Variants in SYNE2 observed in about 807,000 individuals in gnomAD.
The protein encoded by SYNE2 is nesprin-2.
In SYNE2, 431 loss-of-function variants were observed where a neutral mutation model predicts 856.3. The observed-to-expected ratio is 0.50, with a 90% confidence interval of 0.47 to 0.55. The LOEUF (loss-of-function observed/expected upper bound fraction) is 0.55, where lower values mean the gene tolerates loss of function less well. Ranked by LOEUF, SYNE2 falls within the 20% of genes least tolerant of loss-of-function variation. The pLI is 0.00. For synonymous variants in SYNE2, 2,923 were observed against 2,872.3 expected (o/e 1.02, Z -0.56); for missense variants, 8,129 against 8,023.2 (o/e 1.01, Z -0.50).
chr14:64,034,609 G>T, intron 45 of SYNE2: 2 of 515,382 alleles, frequency 3.9e-6, no homozygotes, highest in South Asian at 3.1e-5. Flanking sequence ...TTGTAGATCT[G>T]GACCTTTGGT....
intron 77 of SYNE2, among the ~76,000 whole-genome samples, chr14:64,132,667 T>A (rs1439734045): frequency 6.6e-6 from 1 of 152,212 alleles, no homozygotes; most frequent in East Asian, 1.9e-4. Context: ...CTCTGCCTTT[T>A]AGGTTCATGT....
intron 85 of SYNE2, among the ~76,000 whole-genome samples, chr14:64,153,628 A>T (rs1326975176): frequency 2.0e-5 from 3 of 152,252 alleles, no homozygotes; most frequent in Non-Finnish European, 2.9e-5. Context: ...TTTGTTAAGC[A>T]TACATTGTGT....
intron 2 of SYNE2, among the ~76,000 whole-genome samples, chr14:63,937,172 G>A (rs1244515688): frequency 1.3e-5 from 2 of 152,162 alleles, no homozygotes; most frequent in African/African-American, 4.8e-5. Context: ...GAATGGCAGG[G>A]ACCTAATCGG....
At chr14:63,776,367 A>G (rs1887104180) in intron 1 of SYNE2, among the ~76,000 whole-genome samples, 1 of 152,186 alleles carries the variant, frequency 6.6e-6, no homozygotes, top group African/African-American at 2.4e-5. Context: ...CACATTTCTC[A>G]GCACAAATCT....
At chr14:64,210,264 A>G (rs2098633310) in intron 103 of SYNE2, 140 bp downstream of exon 103, 2 of 1,112,138 alleles carry the variant, frequency 1.8e-6, no homozygotes, top group Non-Finnish European at 2.5e-6. Context: ...CCTCCAACAC[A>G]AAGAAGCCCA....
chr14:64,219,477 C>T (rs1596305812), intron 110 of SYNE2, 67 bp downstream of exon 110: 6 of 1,512,484 alleles, frequency 4.0e-6, no homozygotes, highest in East Asian at 2.3e-5. Context: ...CTATGCTGGA[C>T]GAGCAGATCC....
chr14:64,163,436 C>A lies in SYNE2; in HGVS notation c.16334C>A (p.Ala5445Asp), dbSNP rs769819836. The change falls in exon 89 of 116, where the codon GCC becomes GAC. Residue 5445 changes from alanine to aspartate, a missense_variant. By Grantham distance (126) the Ala-to-Asp change is moderately radical. Coordinates refer to ENST00000555002, the MANE Select transcript of SYNE2 (RefSeq NM_182914.3). ...LQHDVQKTKE[A>D]FLQNSSVLDR... is the part of the protein sequence containing the mutation. ...CATGATGTGCAGAAAACAAAAGAAG[C>A]CTTTCTCCAAAATTCCAGTGTCCTG... The A allele has an allele frequency of 3.1e-6, 5 of 1,613,998 alleles. No individual in the cohort carries two copies. The South Asian group carries it at 5.5e-5, about 18-fold the overall frequency.
Position 63,941,057 on chromosome 14 carries a change from C to T in SYNE2, c.141+382C>T, listed in dbSNP as rs530927269. ...CTCCTGACAAATAATTTCACGACAT[C>T]CCTATGAAATAGATAGTAATATACC... On this transcript the variant is annotated intron_variant, in intron 3 of 115. Coordinates refer to ENST00000555002, the MANE Select transcript of SYNE2 (RefSeq NM_182914.3). Among the ~76,000 whole-genome samples the T allele has an allele frequency of 3.9e-5, 6 of 152,306 alleles. No individual in the cohort carries two copies. The South Asian group carries it at 1.0e-3, about 26-fold the overall frequency.
chr14:63,947,377 T>C (rs182866533), intron 6 of SYNE2, among the ~76,000 whole-genome samples: 40 of 152,370 alleles, frequency 2.6e-4, no homozygotes, highest in African/African-American at 9.1e-4. Flanking sequence ...CACATGTGCC[T>C]AGTGGCTGTC....
intron 27 of SYNE2, among the ~76,000 whole-genome samples, chr14:63,999,810 A>G (rs926606124): frequency 2.0e-5 from 3 of 152,108 alleles, no homozygotes; most frequent in Non-Finnish European, 2.9e-5. Context: ...CTTTTATCTT[A>G]TTATACCAGG....
chr14:64,118,361 A>T (rs1428873002), intron 66 of SYNE2, among the ~76,000 whole-genome samples: 1 of 152,148 alleles, frequency 6.6e-6, no homozygotes, highest in Non-Finnish European at 1.5e-5. Flanking sequence ...CATCCAGCTG[A>T]TATATTTTTA....
chr14:63,944,885 C>T (rs1415569777), intron 6 of SYNE2, among the ~76,000 whole-genome samples: 5 of 112,354 alleles, frequency 4.5e-5, no homozygotes, highest in Admixed American at 2.6e-4. Flanking sequence ...AGTGCAGTGG[C>T]GTGATTTTGG....
chr14:64,136,239 G>T (rs1210331645), intron 78 of SYNE2, among the ~76,000 whole-genome samples: 3 of 143,730 alleles, frequency 2.1e-5, no homozygotes, highest in African/African-American at 7.9e-5. Context: ...GCAGTGAGCT[G>T]AGATAGCGCC....
rs773012579 is a variant in SYNE2, at chr14:64,078,434, C to T, written c.11023-32C>T. 1.4e-5 allele frequency: 23 copies of T among 1,611,974 alleles called. No individual in the cohort carries two copies. The South Asian group carries it at 2.3e-4, about 16-fold the overall frequency. On this transcript the variant is annotated intron_variant, in intron 54 of 115. Transcript: ENST00000555002. ...TATGAATAAAGTGCAGACAACCTCT[C>T]TAAGCCAAATGCGTCTTTGTCTCTT...
intron 23 of SYNE2, among the ~76,000 whole-genome samples, chr14:63,996,480 A>G (rs1433838586): frequency 6.6e-6 from 1 of 151,668 alleles, no homozygotes; most frequent in African/African-American, 2.4e-5. Flanking sequence ...CCCCTTTAGC[A>G]TCCCTCCTGC....
At chr14:63,952,161 A>G (rs539225071) in intron 7 of SYNE2, among the ~76,000 whole-genome samples, 5 of 152,326 alleles carry the variant, frequency 3.3e-5, no homozygotes, top group African/African-American at 7.2e-5. Context: ...GGTTCTGCCA[A>G]CCAGGAGCCT....
chr14:63,802,831 G>A (rs1045602907), intron 1 of SYNE2, among the ~76,000 whole-genome samples: 2 of 152,030 alleles, frequency 1.3e-5, no homozygotes, highest in Admixed American at 6.6e-5. Flanking sequence ...TTAAGTCAGC[G>A]TGTCTGGAGT....
intron 86 of SYNE2, 77 bp from the exon 87 acceptor site, chr14:64,159,235 A>G: frequency 6.3e-7 from 1 of 1,579,402 alleles, no homozygotes; most frequent in Non-Finnish European, 8.7e-7. Flanking sequence ...CATAGTAGCA[A>G]GTGTTGAGAA....
intron 1 of SYNE2, among the ~76,000 whole-genome samples, chr14:63,800,890 C>T (rs1888100936): frequency 6.6e-6 from 1 of 152,100 alleles, no homozygotes; most frequent in Non-Finnish European, 1.5e-5. Context: ...ATGAAACAAT[C>T]TGTACAACAA....
Sources: gnomAD v4.1 joint callset for allele counts (sites outside exome capture counted in the v4.1 genomes callset) on GRCh38, gnomAD v4.1.1 for gene constraint, MANE v1.5 for transcripts, NCBI Gene and HGNC (gene_info 2026-07-23, HGNC 2026-07-21) for gene names.